LURAP1L: variants seen among roughly 807,000 people sequenced by gnomAD.
LURAP1L encodes leucine rich adaptor protein 1-like.
Under a neutral mutation model 13.8 loss-of-function variants are expected in LURAP1L, and 12 were observed. That is an observed-to-expected ratio of 0.87 (90% CI 0.56 to 1.41). LURAP1L has a LOEUF of 1.41. LURAP1L is among the 40% of genes most tolerant of loss of function. The probability of loss-of-function intolerance (pLI) is 0.00; values close to 1 mark genes in which losing one functional copy is unlikely to be tolerated. For synonymous variants in LURAP1L, 139 were observed against 119.2 expected (o/e 1.17, Z -1.08); for missense variants, 375 against 292.9 (o/e 1.28, Z -2.04).
chr9:12,799,873 C>CAAAAAA (rs58987082), intron 1 of LURAP1L, among the ~76,000 whole-genome samples: 1 of 82,528 alleles, frequency 1.2e-5, no homozygotes, highest in Non-Finnish European at 2.6e-5. Flanking sequence ...GACTCCGTCT[C>CAAAAAA]AAAAAAAAAA....
intron 1 of LURAP1L, among the ~76,000 whole-genome samples, chr9:12,800,715 C>T (rs1395110527): frequency 2.6e-5 from 4 of 152,154 alleles, no homozygotes; most frequent in Admixed American, 2.0e-4. Flanking sequence ...AAATCATCAC[C>T]TTCTGCCGTG....
intron 1 of LURAP1L, among the ~76,000 whole-genome samples, chr9:12,804,091 T>C (rs1254505972): frequency 6.6e-6 from 1 of 152,186 alleles, no homozygotes; most frequent in Non-Finnish European, 1.5e-5. Context: ...ATTTAATAAA[T>C]TCAGTGTATG....
intron 1 of LURAP1L, among the ~76,000 whole-genome samples, chr9:12,794,720 G>A (rs1333356475): frequency 3.3e-5 from 5 of 151,752 alleles, no homozygotes; most frequent in Non-Finnish European, 7.4e-5. Context: ...TGAGACAGAT[G>A]GAAACTCTCA....
intron 1 of LURAP1L, among the ~76,000 whole-genome samples, chr9:12,786,277 G>A (rs1409634): frequency 6.6e-6 from 1 of 151,506 alleles, no homozygotes; most frequent in African/African-American, 2.4e-5. Context: ...ACCCCAACTA[G>A]TTGCTAATTA....
chr9:12,777,411 T>C (rs10756412), intron 1 of LURAP1L: 857,320 of 984,656 alleles, frequency 0.87, 374,058 homozygotes, highest in Non-Finnish European at 0.88. Context: ...AAATTTCTTG[T>C]ACAAGGAATT....
chr9:12,793,346 T>C (rs752547770), intron 1 of LURAP1L, among the ~76,000 whole-genome samples: 7 of 152,154 alleles, frequency 4.6e-5, no homozygotes, highest in African/African-American at 1.4e-4. Context: ...TGTTTTGATA[T>C]GATTTAGGTT....
chr9:12,821,356 G>T (rs775622841), intron 1 of LURAP1L, 30 bp from the exon 2 acceptor site: 2 of 1,590,256 alleles, frequency 1.3e-6, no homozygotes, highest in Non-Finnish European at 1.7e-6. Flanking sequence ...TAAAATGGCT[G>T]GAATATCTTT....
At chr9:12,789,779 A>G (rs1563889788) in intron 1 of LURAP1L, among the ~76,000 whole-genome samples, 1 of 152,218 alleles carries the variant, frequency 6.6e-6, no homozygotes, top group Admixed American at 6.6e-5. Flanking sequence ...GGACTCAGAT[A>G]GATGTTCATA....
At position 12,775,151 on chromosome 9, in the gene LURAP1L, G is replaced by C. The variant is rs1275128907; in HGVS notation, c.-565G>C. 6.6e-6 allele frequency: 1 copy of C among 152,184 alleles called. No individual in the cohort carries two copies. The highest frequency in any genetic ancestry group is 1.5e-5 in the Non-Finnish European group (1 of 68,090). The allele number at this position is 152,184 out of a possible 1,614,324, so 9.4% of individuals were successfully genotyped here. A position where few individuals can be genotyped will look rare whatever the true frequency, so the allele number is the denominator to read the frequency against. On this transcript the variant is annotated 5_prime_UTR_variant, in exon 1 of 2. An upstream open reading frame in the 5' UTR loses its in-frame stop. Transcript: ENST00000319264. ...CACACGACCGAACTCCTCTTTCACT[G>C]ACCAGAGATTATTTCTGACAACCCA...
intron 1 of LURAP1L, among the ~76,000 whole-genome samples, chr9:12,818,236 T>A (rs1477243211): frequency 1.3e-5 from 2 of 152,146 alleles, no homozygotes; most frequent in Non-Finnish European, 2.9e-5. Flanking sequence ...TACTGCTTAA[T>A]AAAACTGAAA....
At chr9:12,806,249 C>A (rs1819654863) in intron 1 of LURAP1L, among the ~76,000 whole-genome samples, 1 of 152,138 alleles carries the variant, frequency 6.6e-6, no homozygotes, top group Non-Finnish European at 1.5e-5. Context: ...TTCAAGAGAA[C>A]TAGATGAGTA....
At chr9:12,798,653 T>G (rs562334322) in intron 1 of LURAP1L, among the ~76,000 whole-genome samples, 1 of 152,316 alleles carries the variant, frequency 6.6e-6, no homozygotes, top group African/African-American at 2.4e-5. Context: ...AACATCAAAT[T>G]TATGCTAATC....
intron 1 of LURAP1L, among the ~76,000 whole-genome samples, chr9:12,809,005 T>C (rs188268825): frequency 4.3e-4 from 65 of 152,222 alleles, no homozygotes; most frequent in African/African-American, 1.5e-3. Context: ...TCAGGAAGCT[T>C]ACAATCATGG....
chr9:12,808,983 C>T (rs1244272347), intron 1 of LURAP1L, among the ~76,000 whole-genome samples: 1 of 152,156 alleles, frequency 6.6e-6, no homozygotes, highest in Non-Finnish European at 1.5e-5. Flanking sequence ...CCATCTACTT[C>T]TGGTTAGGTC....
At chr9:12,801,314 T>C (rs1212407081) in intron 1 of LURAP1L, among the ~76,000 whole-genome samples, 3 of 151,208 alleles carry the variant, frequency 2.0e-5, no homozygotes, top group Non-Finnish European at 4.4e-5. Context: ...TGTGGTTAAG[T>C]ATATTAAAGA....
At position 12,775,513 on chromosome 9, in the gene LURAP1L, C is replaced by A. The variant is rs1374944805; in HGVS notation, c.-203C>A. 2 of 669,700 alleles carry A rather than the reference C, an allele frequency of 3.0e-6. No individual in the cohort carries two copies. The highest frequency in any genetic ancestry group is 7.6e-5 in the Admixed American group (2 of 26,396). The allele number at this position is 669,700 out of a possible 1,614,324, so 41.5% of individuals were successfully genotyped here. ...CGGAGGAGTCGCAGCGGACTGGGAA[C>A]TGCAGCTGCGACCCCCCGCGTCCTG... On this transcript the variant is annotated 5_prime_UTR_variant, in exon 1 of 2. In the 5' UTR this introduces an upstream ATG that the reference lacks. Coordinates refer to ENST00000319264, the MANE Select transcript of LURAP1L (RefSeq NM_203403.2).
intron 1 of LURAP1L, among the ~76,000 whole-genome samples, chr9:12,791,391 G>A (rs1445414054): frequency 2.0e-5 from 3 of 151,902 alleles, no homozygotes; most frequent in Non-Finnish European, 4.4e-5. Context: ...TTTTCCCAAA[G>A]GCATCCATTT....
At chr9:12,820,653 A>T (rs1462311310) in intron 1 of LURAP1L, among the ~76,000 whole-genome samples, 1 of 152,036 alleles carries the variant, frequency 6.6e-6, no homozygotes, top group Non-Finnish European at 1.5e-5. Context: ...ATATTTGTAC[A>T]CTTCGTCTCA....
rs1819525856 is a variant in LURAP1L at position 12,797,540 on chromosome 9, CTACCAGGATT to C, written c.312+21515_312+21524del. Among the ~76,000 whole-genome samples, 4 of 152,088 alleles carry C rather than the reference CTACCAGGATT, an allele frequency of 2.6e-5. No homozygotes were observed. The South Asian group carries it at 8.3e-4, about 32-fold the overall frequency. On this transcript the variant is annotated intron_variant, in intron 1 of 1. Coordinates refer to ENST00000319264, the MANE Select transcript of LURAP1L (RefSeq NM_203403.2). ...ATGGATTGTATTTTTAAACCTGTAT[CTACCAGGATT>C]TTCATTATTATCAGAAAATTATCTC...
Sources: allele counts gnomAD v4.1 joint callset (sites outside exome capture counted in the v4.1 genomes callset), GRCh38; gene constraint gnomAD v4.1.1; transcripts MANE v1.5; gene names NCBI Gene and HGNC (gene_info 2026-07-23, HGNC 2026-07-21).